ANGPTL2: variants seen among roughly 807,000 people sequenced by gnomAD.
ANGPTL2 encodes angiopoietin-related protein 2.
A neutral mutation model predicts 52.8 loss-of-function variants in ANGPTL2; 25 were observed. That is an observed-to-expected ratio of 0.47 (90% CI 0.35 to 0.66). ANGPTL2 has a LOEUF of 0.66. Among genes scored for constraint, ANGPTL2 ranks in the 30% least tolerant of loss-of-function variants. The pLI is 0.01. For missense variants in ANGPTL2, 546 were observed against 656.9 expected, an observed-to-expected ratio of 0.83 and a Z score of 1.84; for synonymous variants, 276 against 277.4, an observed-to-expected ratio of 1.00 and a Z score of 0.05.
At chr9:127,098,195 T>G (rs574944780) in intron 2 of ANGPTL2, among the ~76,000 whole-genome samples, 1 of 152,374 alleles carries the variant, frequency 6.6e-6, no homozygotes, top group Non-Finnish European at 1.5e-5. Flanking sequence ...GCCACAAAGA[T>G]ATATTGACAT....
At chr9:127,096,327 G>C (rs886188811) in intron 2 of ANGPTL2, among the ~76,000 whole-genome samples, 5 of 152,212 alleles carry the variant, frequency 3.3e-5, no homozygotes, top group African/African-American at 1.2e-4. Flanking sequence ...AGGCCTCCCA[G>C]CTCCTTACCA....
chr9:127,106,932 A>G (rs1162180038), intron 2 of ANGPTL2: 2 of 152,262 alleles, frequency 1.3e-5, no homozygotes, highest in African/African-American at 2.4e-5. Flanking sequence ...GACTTGGAGT[A>G]GATACATGGT....
intron 1 of ANGPTL2, among the ~76,000 whole-genome samples, chr9:127,113,448 CT>C (rs1246540562): frequency 6.0e-5 from 9 of 150,516 alleles, no homozygotes; most frequent in Non-Finnish European, 1.0e-4. Flanking sequence ...AGTTTGTTTA[CT>C]TTTGCTCTCT....
chr9:127,105,240 G>A (rs2136987534), intron 2 of ANGPTL2, among the ~76,000 whole-genome samples: 1 of 152,324 alleles, frequency 6.6e-6, no homozygotes. Flanking sequence ...AAATTCTAAT[G>A]CATTCCAGTT....
rs567580641 is a variant in ANGPTL2, at chr9:127,104,721, C to T, written c.817+3194G>A. 3.9e-5 allele frequency among the ~76,000 whole-genome samples: 6 copies of T among 152,336 alleles called. No homozygotes were observed. In the East Asian group the frequency reaches 1.2e-3, roughly 29 times the overall value. On this transcript the variant is annotated intron_variant, in intron 2 of 4. Coordinates refer to ENST00000373425, the MANE Select transcript of ANGPTL2 (RefSeq NM_012098.3). ...ATAAGCAGCCATGGCTCCCTTAGTC[C>T]CCTGGGGAAGGGCATGCTGTGGGCA...
rs770228069 is a variant in ANGPTL2, at chr9:127,108,277, G to A, written c.455C>T (p.Ala152Val). The A allele has an allele frequency of 7.4e-6, 12 of 1,614,008 alleles. No individual in the cohort carries two copies. The highest frequency in any genetic ancestry group is 5.5e-5 in the South Asian group (5 of 91,052). ...LHEIIRKRDNALELSQLENRI... is the reference protein window; with the variant it reads ...LHEIIRKRDNVLELSQLENRI... ...GTTCTCCAGCTGGGAGAGCTCCAAC[G>A]CGTTGTCCCGCTTGCGGATGATCTC... Residue 152 changes from alanine (A) to valine (V), a missense_variant, in exon 2 of 5, where the codon GCG becomes GTG. Ala to Val is a moderately conservative substitution (Grantham distance 64, BLOSUM62 0). Transcript: ENST00000373425.
At chr9:127,100,480 A>G (rs2053608147) in intron 2 of ANGPTL2, among the ~76,000 whole-genome samples, 1 of 150,990 alleles carries the variant, frequency 6.6e-6, no homozygotes, top group Non-Finnish European at 1.5e-5. Flanking sequence ...GAGGAGAAAC[A>G]GGGGCTTTAA....
rs772594925 is a variant in ANGPTL2 at position 127,108,470 on chromosome 9, C to A, written c.262G>T (p.Glu88Ter). 3.1e-6 allele frequency: 5 copies of A among 1,612,140 alleles called. No homozygotes were observed. Among genetic ancestry groups the A allele is most frequent in the Non-Finnish European group, 4.2e-6 (5 of 1,179,568 alleles). ...VLLENRVHKQ[E>*]LELLNNELLK... ...AGCTCATTGTTGAGCAGCTCTAGCT[C>A]CTGCTTATGCACTCGGTTCTCCAGA... Residue 88 changes from glutamate (E) to a stop codon, truncating the protein, a stop_gained, in exon 2 of 5, where the codon GAG (glutamate) becomes TAG (stop). Transcript: ENST00000373425. LOFTEE classifies it high-confidence loss of function.
In ANGPTL2 at chr9:127,088,042, G is replaced by A. The variant is rs1285972778; in HGVS notation, c.*897C>T. 2 of 152,618 alleles carry A rather than the reference G, an allele frequency of 1.3e-5. No homozygotes were observed. The highest frequency in any genetic ancestry group is 4.8e-5 in the African/African-American group (2 of 41,446). 9.5% of individuals were successfully genotyped at this position (152,618 alleles called of 1,614,324 possible). ...GAGTGTTTCCTACTCAGAAGCTGAG[G>A]AATCTCGCCTGGAAAGAAGGGGCTG... On this transcript the variant is annotated 3_prime_UTR_variant, in exon 5 of 5. Transcript: ENST00000373425.
intron 1 of ANGPTL2, 54 bp from the exon 2 acceptor site, chr9:127,108,834 T>C: frequency 7.9e-7 from 1 of 1,271,390 alleles, no homozygotes; most frequent in Non-Finnish European, 1.1e-6. Flanking sequence ...GTCAGTGCCC[T>C]GTGCCATCAG....
Position 127,108,849 on chromosome 9 carries a change from C to T in ANGPTL2, c.-49-69G>A, listed in dbSNP as rs186544317. 127 of 1,141,508 alleles carry T rather than the reference C, an allele frequency of 1.1e-4. No homozygotes were observed. The African/African-American group carries it at 1.4e-3, about 13-fold the overall frequency. 70.7% of individuals were successfully genotyped at this position (1,141,508 alleles called of 1,614,324 possible). ...GTCAGTGCCCTGTGCCATCAGTGATCCCAGCCTTCTCGCCAGGCAGGCAGA... is the reference window on the plus strand; with the variant it reads ...GTCAGTGCCCTGTGCCATCAGTGATTCCAGCCTTCTCGCCAGGCAGGCAGA... On this transcript the variant is annotated intron_variant, in intron 1 of 4. Coordinates refer to ENST00000373425, the MANE Select transcript of ANGPTL2 (RefSeq NM_012098.3).
Position 127,087,936 on chromosome 9 carries a change from C to G in ANGPTL2, c.*1003G>C, listed in dbSNP as rs2051964510. Reference sequence around the variant, plus strand: ...TAGGTTAAAGTATGAATGGAAGATACAAAACTGCGAGTACATTATCTATAC... The same window carrying G: ...TAGGTTAAAGTATGAATGGAAGATAGAAAACTGCGAGTACATTATCTATAC... On this transcript the variant is annotated 3_prime_UTR_variant, in exon 5 of 5. Transcript: ENST00000373425. The G allele has an allele frequency of 6.6e-6, 1 of 152,614 alleles. No homozygotes were observed. Among genetic ancestry groups the G allele is most frequent in the South Asian group, 2.1e-4 (1 of 4,836 alleles). 9.5% of individuals were successfully genotyped at this position (152,614 alleles called of 1,614,324 possible). A position where few individuals can be genotyped will look rare whatever the true frequency, so the allele number is the denominator to read the frequency against.
At chr9:127,093,562 T>C (rs886519972) in intron 3 of ANGPTL2, among the ~76,000 whole-genome samples, 171 bp downstream of exon 3, 1 of 152,144 alleles carries the variant, frequency 6.6e-6, no homozygotes. Flanking sequence ...GTTTGCAAAA[T>C]GGCCCTGTCT....
At chr9:127,109,532 T>G (rs1436886821) in intron 1 of ANGPTL2, among the ~76,000 whole-genome samples, 2 of 152,194 alleles carry the variant, frequency 1.3e-5, no homozygotes, top group Non-Finnish European at 2.9e-5. Context: ...ATCCAAATAT[T>G]TGCAGTAGCC....
In ANGPTL2 at chr9:127,108,588, G is replaced by T; in HGVS notation, c.144C>A (p.Gly48=). ...FIYLNRYKRA[G]ESQDKCTYTF... ...TGTAGGTGCACTTGTCCTGGGACTC[G>T]CCCGCCCGCTTGTACCTGTTTAGGT... The change falls in exon 2 of 5, where the codon GGC becomes GGA. Residue 48 remains glycine, a synonymous_variant. Coordinates refer to ENST00000373425, the MANE Select transcript of ANGPTL2 (RefSeq NM_012098.3). The T allele has an allele frequency of 6.2e-7, 1 of 1,613,430 alleles. No homozygotes were observed. Among genetic ancestry groups the T allele is most frequent in the Non-Finnish European group, 8.5e-7 (1 of 1,179,848 alleles).
intron 2 of ANGPTL2, among the ~76,000 whole-genome samples, chr9:127,104,714 C>T (rs928050123): frequency 6.6e-6 from 1 of 152,220 alleles, no homozygotes; most frequent in Non-Finnish European, 1.5e-5. Context: ...CCATGGCTCC[C>T]TTAGTCCCCT....
rs535557834 is a variant in ANGPTL2, at chr9:127,108,539, C to T, written c.193G>A (p.Val65Ile). 84 of 1,613,252 alleles carry T rather than the reference C, an allele frequency of 5.2e-5. No homozygotes were observed. Among genetic ancestry groups the T allele is most frequent in the Non-Finnish European group, 6.7e-5 (79 of 1,179,870 alleles). Residue 65 changes from valine to isoleucine, a missense_variant, in exon 2 of 5, where the codon GTC becomes ATC. Transcript: ENST00000373425. ...TYTFIVPQQR[V>I]TGAICVNSKE... ...GAGTTGACGCAGATGGCACCCGTGA[C>T]CCGCTGCTGGGGCACAATGAAGGTG...
chr9:127,111,911 C>T (rs2054853601), intron 1 of ANGPTL2, among the ~76,000 whole-genome samples: 1 of 152,210 alleles, frequency 6.6e-6, no homozygotes, highest in Non-Finnish European at 1.5e-5. Context: ...AGGGTATTAG[C>T]ATCACTACTT....
Position 127,088,968 on chromosome 9 carries a change from T to C in ANGPTL2, c.1453A>G (p.Ile485Val), listed in dbSNP as rs773231309. Residue 485 changes from isoleucine (I) to valine (V), a missense_variant, in exon 5 of 5, where the codon ATC becomes GTC. Physicochemically the swap from Ile to Val is conservative, Grantham distance 29. Coordinates refer to ENST00000373425, the MANE Select transcript of ANGPTL2 (RefSeq NM_012098.3). Reference sequence around the variant, plus strand: ...TGGAAGGTGTTGGGGTTCGGTCGGATCATCATCACCACTTTCTTGAGTGAG... The same window carrying C: ...TGGAAGGTGTTGGGGTTCGGTCGGACCATCATCACCACTTTCTTGAGTGAG... ...SYSLKKVVMM[I>V]RPNPNTFH The C allele has an allele frequency of 6.2e-7, 1 of 1,614,140 alleles. No individual in the cohort carries two copies. Among genetic ancestry groups the C allele is most frequent in the Non-Finnish European group, 8.5e-7 (1 of 1,180,026 alleles).
Sources: allele counts gnomAD v4.1 joint callset (sites outside exome capture counted in the v4.1 genomes callset), GRCh38; gene constraint gnomAD v4.1.1; transcripts MANE v1.5; gene names NCBI Gene and HGNC (gene_info 2026-07-23, HGNC 2026-07-21).